FDFT1: variants seen among roughly 807,000 people sequenced by gnomAD.
The protein encoded by FDFT1 is squalene synthase.
A neutral mutation model predicts 46.8 loss-of-function variants in FDFT1; 68 were observed. The observed-to-expected ratio is 1.45, with a 90% CI of 1.19 to 1.78. The LOEUF (loss-of-function observed/expected upper bound fraction) is 1.78. Ranked by LOEUF, FDFT1 falls within the 40% of genes most tolerant of loss-of-function variation. The probability of loss-of-function intolerance (pLI) is 0.00; values close to 1 mark genes in which losing one functional copy is unlikely to be tolerated. For synonymous variants in FDFT1, 351 were observed against 185.1 expected, an observed-to-expected ratio of 1.90 and a Z score of -7.28; for missense variants, 928 against 524.4, an observed-to-expected ratio of 1.77 and a Z score of -7.52.
chr8:11,833,589 C>G (rs1045434240), intron 7 of FDFT1, among the ~76,000 whole-genome samples: 8 of 152,120 alleles, frequency 5.3e-5, no homozygotes, highest in African/African-American at 1.9e-4. Context: ...GGATTAAATC[C>G]TGGTTGTAAT....
chr8:11,802,891 G>A lies in FDFT1; in HGVS notation c.59G>A (p.Arg20Gln), dbSNP rs776842962. ...PEEFYNLVRFRIGGKRKVMPK... is the reference protein window; with the variant it reads ...PEEFYNLVRFQIGGKRKVMPK... ...GAGTTCTACAACCTGGTGCGCTTCC[G>A]GATCGGGGGCAAGCGGAAGGTGATG... The change falls in exon 1 of 8, where the codon CGG becomes CAG. Residue 20 changes from arginine to glutamine, a missense_variant. By Grantham distance (43) the Arg-to-Gln change is conservative. Transcript: ENST00000220584. 12 of 1,611,996 alleles carry A rather than the reference G, an allele frequency of 7.4e-6. No individual in the cohort carries two copies. Among genetic ancestry groups the A allele is most frequent in the Non-Finnish European group, 1.0e-5 (12 of 1,179,014 alleles).
At chr8:11,800,535 AAAGG>A (rs1806013044), upstream of FDFT1, among the ~76,000 whole-genome samples, 1 of 152,214 alleles carries the variant, frequency 6.6e-6, no homozygotes, top group African/African-American at 2.4e-5. Flanking sequence ...AGAGGAGAAC[AAAGG>A]AAGGAGGAAG....
At chr8:11,836,990 G>T (rs144952667) in intron 7 of FDFT1, among the ~76,000 whole-genome samples, 1 of 152,386 alleles carries the variant, frequency 6.6e-6, no homozygotes, top group East Asian at 1.9e-4. Context: ...ACTACAGATG[G>T]TCCATTTCCA....
chr8:11,833,578 G>T (rs1207713098), intron 7 of FDFT1, among the ~76,000 whole-genome samples: 1 of 152,106 alleles, frequency 6.6e-6, no homozygotes, highest in Non-Finnish European at 1.5e-5. Context: ...CTTAACTATT[G>T]GGATTAAATC....
At position 11,809,743 on chromosome 8, in the gene FDFT1, A is replaced by T; in HGVS notation, c.274A>T (p.Lys92Ter). 1 of 1,614,092 alleles carries T rather than the reference A, an allele frequency of 6.2e-7. No individual in the cohort carries two copies. Among genetic ancestry groups the T allele is most frequent in the Non-Finnish European group, 8.5e-7 (1 of 1,179,970 alleles). The change falls in exon 3 of 8, where the codon AAG becomes TAG. Residue 92 changes from lysine to a stop codon, truncating the protein, a stop_gained. Coordinates refer to ENST00000220584, the MANE Select transcript of FDFT1 (RefSeq NM_004462.5). LOFTEE classifies it high-confidence loss of function. ...LEDDMTISVE[K>*]KVPLLHNFHS... is the part of the protein sequence containing the mutation. ...AGATGACATGACCATCAGTGTGGAA[A>T]AGAAGGTCCCGCTGTTACACAACTT...
In FDFT1 at chr8:11,826,121, G is replaced by T. The variant is rs140001524; in HGVS notation, c.608G>T (p.Arg203Leu). 2.5e-6 allele frequency: 4 copies of T among 1,609,318 alleles called. No individual in the cohort carries two copies. The highest frequency in any genetic ancestry group is 3.4e-6 in the Non-Finnish European group (4 of 1,176,376). ...CCCTTAGTTGGTGAAGATACAGAAC[G>T]TGCCAACTCTATGGGCCTGTTTTTG... ...EDPLVGEDTE[R>L]ANSMGLFLQK... The change falls in exon 5 of 8, where the codon CGT becomes CTT. Residue 203 changes from arginine (R) to leucine (L), a missense_variant. Transcript: ENST00000220584.
upstream of FDFT1, chr8:11,801,852 C>T (rs1349350115): frequency 2.4e-6 from 1 of 419,816 alleles, no homozygotes; most frequent in Non-Finnish European, 4.7e-6. Flanking sequence ...CACCACCACA[C>T]TCGGCTTTTT....
chr8:11,819,424 A>T (rs1273283156), intron 3 of FDFT1, among the ~76,000 whole-genome samples: 1 of 152,122 alleles, frequency 6.6e-6, no homozygotes, highest in African/African-American at 2.4e-5. Context: ...GTTCTCCTGG[A>T]TAATATACTG....
rs142064225 is a variant in FDFT1, at chr8:11,809,969, T to G, written c.381+119T>G. 1.0e-4 allele frequency: 79 copies of G among 765,876 alleles called. No homozygotes were observed. The African/African-American group carries it at 1.3e-3, about 12-fold the overall frequency. The allele number at this position is 765,876 out of a possible 1,614,324, so 47.4% of individuals were successfully genotyped here. On this transcript the variant is annotated intron_variant, in intron 3 of 7. Transcript: ENST00000220584. ...AATAAGCATTCTGAGGGCAGCATAA[T>G]GTGAGGGTTAAAAACTCCGGTAGCC...
intron 3 of FDFT1, among the ~76,000 whole-genome samples, chr8:11,812,473 T>C (rs1807862095): frequency 6.6e-6 from 1 of 151,950 alleles, no homozygotes. Flanking sequence ...CAGGAAGCAG[T>C]GGAAGGGAAG....
chr8:11,819,658 C>G (rs1305622210), intron 3 of FDFT1, among the ~76,000 whole-genome samples: 2 of 151,950 alleles, frequency 1.3e-5, no homozygotes, highest in Non-Finnish European at 2.9e-5. Context: ...CTTGTTTATG[C>G]TTTGTGAAAT....
chr8:11,830,441 G>A (rs1263200520), intron 6 of FDFT1, 21 bp downstream of exon 6: 1 of 1,568,554 alleles, frequency 6.4e-7, no homozygotes, highest in East Asian at 2.2e-5. Flanking sequence ...GGGCTCCTCT[G>A]GGTGGATACG....
chr8:11,822,966 A>T (rs192623699), intron 4 of FDFT1, among the ~76,000 whole-genome samples: 270 of 152,166 alleles, frequency 1.8e-3, no homozygotes, highest in African/African-American at 5.9e-3. Context: ...ATTAAAAAAA[A>T]TTTTTTTTGA....
At position 11,812,280 on chromosome 8, in the gene FDFT1, C is replaced by G. The variant is rs1023976267; in HGVS notation, c.381+2430C>G. 2.0e-5 allele frequency among the ~76,000 whole-genome samples: 3 copies of G among 152,244 alleles called. No homozygotes were observed. The South Asian group carries it at 6.2e-4, about 31-fold the overall frequency. On this transcript the variant is annotated intron_variant, in intron 3 of 7. Transcript: ENST00000220584. ...GAGCCCACGTCTGCGTCCGCACAGTCTATTTCCTAAGGTCAGTCCATCTCC... is the reference window on the plus strand; with the variant it reads ...GAGCCCACGTCTGCGTCCGCACAGTGTATTTCCTAAGGTCAGTCCATCTCC...
chr8:11,815,018 G>A (rs532392293), intron 3 of FDFT1, among the ~76,000 whole-genome samples: 50 of 151,974 alleles, frequency 3.3e-4, no homozygotes, highest in African/African-American at 1.2e-3. Flanking sequence ...TCCCTCCCTT[G>A]GCCCCCCACC....
intron 7 of FDFT1, among the ~76,000 whole-genome samples, chr8:11,837,552 T>C (rs190611846): frequency 6.6e-6 from 1 of 152,046 alleles, no homozygotes; most frequent in Non-Finnish European, 1.5e-5. Context: ...TACTAGACTG[T>C]AGAGAGGGAG....
chr8:11,827,900 C>A (rs1692798), intron 5 of FDFT1, among the ~76,000 whole-genome samples: 93,341 of 140,034 alleles, frequency 0.67, 31,908 homozygotes, highest in Non-Finnish European at 0.74. Context: ...CAAAACAAAA[C>A]AAAAAAAACA....
In FDFT1 at chr8:11,838,423, T is replaced by C. The variant is rs1563351051; in HGVS notation, c.1068T>C (p.Ser356=). The C allele has an allele frequency of 8.1e-6, 13 of 1,613,260 alleles. No homozygotes were observed. The South Asian group carries it at 1.1e-4, about 14-fold the overall frequency. ...GAATCCCCGACTCAGACCCATCTTCTAGCAAAACAAGGCAGATCATCTCCA... is the reference window on the plus strand; with the variant it reads ...GAATCCCCGACTCAGACCCATCTTCCAGCAAAACAAGGCAGATCATCTCCA... ...YHRIPDSDPS[S]SKTRQIISTI... The change falls in exon 8 of 8, where the codon TCT becomes TCC. Residue 356 remains serine, a synonymous_variant. Coordinates refer to ENST00000220584, the MANE Select transcript of FDFT1 (RefSeq NM_004462.5).
At chr8:11,805,155 G>A (rs376048652) in intron 1 of FDFT1, among the ~76,000 whole-genome samples, 53 of 151,218 alleles carry the variant, frequency 3.5e-4, no homozygotes, top group African/African-American at 1.3e-3. Flanking sequence ...GAGCTCAAGC[G>A]ATTTTCCCAC....
Sources: gnomAD v4.1 joint callset for allele counts (sites outside exome capture counted in the v4.1 genomes callset) on GRCh38, gnomAD v4.1.1 for gene constraint, MANE v1.5 for transcripts, NCBI Gene and HGNC (gene_info 2026-07-23, HGNC 2026-07-21) for gene names.